Variants in SBNO2 observed in about 807,000 individuals in gnomAD.
SBNO2 encodes strawberry notch homolog 2, also known as protein strawberry notch homolog 2.
In SBNO2, 89 loss-of-function variants were observed where a neutral mutation model predicts 146.3. That is an observed-to-expected ratio of 0.61 (90% CI 0.51 to 0.73). The LOEUF is 0.73. Among genes scored for constraint, SBNO2 ranks in the 30% least tolerant of loss-of-function variants. The pLI, the probability that SBNO2 is intolerant of heterozygous loss-of-function variation, is 0.00. For synonymous variants in SBNO2, 1,147 were observed against 892.6 expected, an observed-to-expected ratio of 1.29 and a Z score of -5.08; for missense variants, 2,092 against 2,003.7, an observed-to-expected ratio of 1.04 and a Z score of -0.84.
At chr19:1,160,555 G>A (rs1482479367) in intron 1 of SBNO2, among the ~76,000 whole-genome samples, 2 of 152,092 alleles carry the variant, frequency 1.3e-5, no homozygotes, top group African/African-American at 4.8e-5. Context: ...TGCAGCCTTC[G>A]CCTCCTGGGT....
Position 1,112,169 on chromosome 19 carries a change from C to A in SBNO2, c.2628+20G>T. 1 of 1,581,950 alleles carries A rather than the reference C, an allele frequency of 6.3e-7. No homozygotes were observed. The highest frequency in any genetic ancestry group is 1.8e-5 in the Admixed American group (1 of 55,310). ...TCCTGGGCCTGTCCCTGGTTCTCAG[C>A]CCCACCCCCACCTGCTCACCAGACT... is the stretch of plus-strand genomic sequence containing the variant. On this transcript the variant is annotated intron_variant, in intron 22 of 31. Coordinates refer to ENST00000361757, the MANE Select transcript of SBNO2 (RefSeq NM_014963.3). The surrounding 1 kb of genome is among the most constrained non-coding windows in gnomAD (Gnocchi z 5.9).
chr19:1,160,362 C>G (rs2080331899), intron 1 of SBNO2, among the ~76,000 whole-genome samples: 1 of 152,224 alleles, frequency 6.6e-6, no homozygotes, highest in Admixed American at 6.5e-5. Context: ...ACACCCCTGC[C>G]CAGGCCTCGG....
intron 14 of SBNO2, 71 bp from the exon 15 acceptor site, chr19:1,117,570 G>A (rs995102101): frequency 4.5e-5 from 66 of 1,468,084 alleles, no homozygotes; most frequent in Non-Finnish European, 5.0e-5. Context: ...CGGCCCACCT[G>A]CCGCCAGCCC....
At position 1,124,041 on chromosome 19, in the gene SBNO2, G is replaced by A. The variant is rs777228258; in HGVS notation, c.442-19C>T. ...GGAACAGCTGGAAGGGGAGCAGGAT[G>A]TCAGCCCGGGCCAGACGGGACAGGT... On this transcript the variant is annotated intron_variant, in intron 5 of 31. Transcript: ENST00000361757. 2.5e-6 allele frequency: 4 copies of A among 1,606,870 alleles called. No homozygotes were observed. In the South Asian group the frequency reaches 3.3e-5, roughly 13 times the overall value.
At chr19:1,174,034 G>C (rs1308793534) in intron 1 of SBNO2, 138 bp downstream of exon 1, 9 of 150,952 alleles carry the variant, frequency 6.0e-5, no homozygotes. Context: ...GTCCCGCCGC[G>C]CTCGCCCCCG....
chr19:1,137,171 G>C (rs889126487), intron 4 of SBNO2, among the ~76,000 whole-genome samples: 1 of 143,736 alleles, frequency 7.0e-6, no homozygotes, highest in African/African-American at 2.7e-5. Flanking sequence ...AGGCTGGGGA[G>C]AGGCTTGGGC....
At chr19:1,146,737 G>A (rs1286928447) in intron 4 of SBNO2, among the ~76,000 whole-genome samples, 2 of 137,870 alleles carry the variant, frequency 1.5e-5, no homozygotes, top group South Asian at 4.9e-4. Context: ...GGTGGGGTCC[G>A]CCTGATGCCG....
intron 4 of SBNO2, among the ~76,000 whole-genome samples, chr19:1,134,205 C>CGGGTGG (rs1480187897): frequency 1.6e-4 from 24 of 149,578 alleles, no homozygotes; most frequent in Admixed American, 3.3e-4. Flanking sequence ...TCACAGCTCA[C>CGGGTGG]AGGTGGACCC....
At chr19:1,169,846 T>C (rs1334570498) in intron 1 of SBNO2, among the ~76,000 whole-genome samples, 1 of 152,190 alleles carries the variant, frequency 6.6e-6, no homozygotes, top group Admixed American at 6.5e-5. Flanking sequence ...TTTCAACGTA[T>C]TCTAAGGCAG....
chr19:1,147,527 C>T, intron 3 of SBNO2, 107 bp from the exon 4 acceptor site: 3 of 612,564 alleles, frequency 4.9e-6, no homozygotes, highest in Non-Finnish European at 8.1e-6. Context: ...CGAGGCCCCA[C>T]TGGAGTGTGC....
At chr19:1,159,864 G>A (rs2080327986) in intron 1 of SBNO2, among the ~76,000 whole-genome samples, 1 of 151,828 alleles carries the variant, frequency 6.6e-6, no homozygotes, top group Admixed American at 6.6e-5. Flanking sequence ...CCCTACTCCT[G>A]GGCCAAGGTG....
Position 1,122,456 on chromosome 19 carries a change from C to T in SBNO2, c.1005+12G>A. On this transcript the variant is annotated intron_variant, in intron 10 of 31. Coordinates refer to ENST00000361757, the MANE Select transcript of SBNO2 (RefSeq NM_014963.3). ...CCACCTTGCCCCCTACTTTGCCGAG[C>T]ACAGCCCCTACCTTGCTGAGCGCGT... is the stretch of plus-strand genomic sequence containing the variant. 6.4e-7 allele frequency: 1 copy of T among 1,566,548 alleles called. No homozygotes were observed. Among genetic ancestry groups the T allele is most frequent in the African/African-American group, 1.4e-5 (1 of 73,970 alleles).
At position 1,150,373 on chromosome 19, in the gene SBNO2, A is replaced by C. The variant is rs987792437; in HGVS notation, c.94-931T>G. On this transcript the variant is annotated intron_variant, in intron 2 of 31. Transcript: ENST00000361757. This position sits in a 1 kb window ranked among gnomAD's most constrained non-coding sequence, Gnocchi z 6.2. Reference sequence around the variant, plus strand: ...ACACCTCGTGCCCTGCAGAATGGGCACCCCTCAGCAGGGCCCCCACCTGCA... The same window carrying C: ...ACACCTCGTGCCCTGCAGAATGGGCCCCCCTCAGCAGGGCCCCCACCTGCA... Among the ~76,000 whole-genome samples, 1 of 151,686 alleles carries C rather than the reference A, an allele frequency of 6.6e-6. No individual in the cohort carries two copies. Among genetic ancestry groups the C allele is most frequent in the Non-Finnish European group, 1.5e-5 (1 of 67,862 alleles).
chr19:1,134,155 ACTCACAGCTCACG>A (rs1280735514), intron 4 of SBNO2, among the ~76,000 whole-genome samples: 113 of 125,982 alleles, frequency 9.0e-4, no homozygotes, highest in African/African-American at 3.8e-3. Context: ...TCACGGGTGG[ACTCACAGCTCACG>A]GGTGGACTCA....
At position 1,108,561 on chromosome 19, in the gene SBNO2, C is replaced by G; in HGVS notation, c.3760G>C (p.Gly1254Arg). 9.6e-7 allele frequency: 1 copy of G among 1,044,126 alleles called. No homozygotes were observed. The highest frequency in any genetic ancestry group is 2.6e-5 in the South Asian group (1 of 37,896). 64.7% of individuals were successfully genotyped at this position (1,044,126 alleles called of 1,614,324 possible). Residue 1254 changes from glycine (G) to arginine (R), a missense_variant, in exon 32 of 32, where the codon GGA (glycine) becomes CGA (arginine). Physicochemically the swap from Gly to Arg is moderately radical, Grantham distance 125 (BLOSUM62 -2). Transcript: ENST00000361757. ...CTGTAGGTGAGGTCCAGCACCTCTC[C>G]GGGGCCGCAAGGCAGCGCCAGCGGG... ...PRPLALPCGPGEVLDLTYSPP... is the reference protein window; with the variant it reads ...PRPLALPCGPREVLDLTYSPP...
chr19:1,167,442 A>G (rs1312178614), intron 1 of SBNO2, among the ~76,000 whole-genome samples: 1 of 152,058 alleles, frequency 6.6e-6, no homozygotes, highest in Non-Finnish European at 1.5e-5. Flanking sequence ...TCCGCGCCTG[A>G]GCTCGGCCGG....
Position 1,110,733 on chromosome 19 carries a change from AC to A in SBNO2, c.3028+11del. ...ACACCCACCCACACCACACCCCGGC[AC>A]CTGTGCTCACCCAGGATGCCCATGT... On this transcript the variant is annotated intron_variant, in intron 26 of 31. Transcript: ENST00000361757. The surrounding 1 kb of genome is among the most constrained non-coding windows in gnomAD (Gnocchi z 4.9). 1 of 1,604,932 alleles carries A rather than the reference AC, an allele frequency of 6.2e-7. No homozygotes were observed. Among genetic ancestry groups the A allele is most frequent in the Non-Finnish European group, 8.5e-7 (1 of 1,175,670 alleles).
At position 1,162,404 on chromosome 19, in the gene SBNO2, G is replaced by T. The variant is rs565600608; in HGVS notation, c.-126-8002C>A. ...GAACCCGGGAGGCGGCGCTTGCAGT[G>T]AGCCGAGATCGGGCCACTGCACTCC... On this transcript the variant is annotated intron_variant, in intron 1 of 31. Coordinates refer to ENST00000361757, the MANE Select transcript of SBNO2 (RefSeq NM_014963.3). Among the ~76,000 whole-genome samples, 215 of 150,468 alleles carry T rather than the reference G, an allele frequency of 1.4e-3. 2 individuals are homozygous for T. The highest frequency in any genetic ancestry group is 2.2e-3 in the Admixed American group (33 of 15,114).
rs1675539763 is a variant in SBNO2, at chr19:1,109,976, G to C, written c.3029-199C>G. 6.6e-6 allele frequency among the ~76,000 whole-genome samples: 1 copy of C among 151,754 alleles called. No individual in the cohort carries two copies. Among genetic ancestry groups the C allele is most frequent in the Admixed American group, 6.6e-5 (1 of 15,248 alleles). ...AACCTGGCAACCGCTCAGGTCCTAG[G>C]TAACCCCGAGCAGGCTGTGGGGGAT... is the stretch of plus-strand genomic sequence containing the variant. On this transcript the variant is annotated intron_variant, in intron 26 of 31. Transcript: ENST00000361757. This position sits in a 1 kb window ranked among gnomAD's most constrained non-coding sequence, Gnocchi z 4.2.
Sources: allele counts gnomAD v4.1 joint callset (sites outside exome capture counted in the v4.1 genomes callset), GRCh38; gene constraint gnomAD v4.1.1; non-coding constraint Gnocchi (gnomAD v3.1); transcripts MANE v1.5; gene names NCBI Gene and HGNC (gene_info 2026-07-23, HGNC 2026-07-21).